Variants in DNAH8 observed in about 807,000 individuals in gnomAD.
DNAH8 encodes the protein dynein axonemal heavy chain 8, also known as axonemal beta dynein heavy chain 8.
In DNAH8, 382 loss-of-function variants were observed where a neutral mutation model predicts 562.1. The ratio of observed to expected loss-of-function variants is 0.68; its 90% CI spans 0.63 to 0.74. DNAH8 has a LOEUF of 0.74. Among genes scored for constraint, DNAH8 ranks in the 30% least tolerant of loss-of-function variants. The probability of loss-of-function intolerance (pLI) is 0.00; values close to 1 mark genes in which losing one functional copy is unlikely to be tolerated. For synonymous variants in DNAH8, 1,881 were observed against 1,919.4 expected, an observed-to-expected ratio of 0.98 and a Z score of 0.52; for missense variants, 5,203 against 5,620.4, an observed-to-expected ratio of 0.93 and a Z score of 2.37.
Position 39,012,365 on chromosome 6 carries a change from G to C in DNAH8, c.13522G>C (p.Glu4508Gln). ...LAIEGTIIMS[E>Q]NLRDALDNMY... is the part of the protein sequence containing the mutation. ...CATTGAAGGAACAATCATTATGAGT[G>C]AGGTGAGCTGTTATTACATCAGTAG... is the stretch of plus-strand genomic sequence containing the variant. The change falls in exon 90 of 93, where the codon GAG (glutamate) becomes CAG (glutamine). Residue 4508 changes from glutamate to glutamine, a missense_variant and splice_region_variant. Physicochemically the swap from Glu to Gln is conservative, Grantham distance 29. Coordinates refer to ENST00000327475, the MANE Select transcript of DNAH8 (RefSeq NM_001206927.2). The C allele has an allele frequency of 6.2e-7, 1 of 1,611,200 alleles. No homozygotes were observed. The highest frequency in any genetic ancestry group is 8.5e-7 in the Non-Finnish European group (1 of 1,177,742).
At position 38,756,724 on chromosome 6, in the gene DNAH8, T is replaced by C. The variant is rs1162523007; in HGVS notation, c.1515+645T>C. 2.1e-5 allele frequency among the ~76,000 whole-genome samples: 3 copies of C among 144,610 alleles called. 1 individual carries two copies. Among genetic ancestry groups the C allele is most frequent in the Non-Finnish European group, 4.6e-5 (3 of 65,862 alleles). 94.9% of individuals were successfully genotyped at this position (144,610 alleles called of 152,430 possible). On this transcript the variant is annotated intron_variant, in intron 10 of 92. Coordinates refer to ENST00000327475, the MANE Select transcript of DNAH8 (RefSeq NM_001206927.2). Reference sequence around the variant, plus strand: ...TGTGATGTTCCCCTTCCTGTGTCCGTGTGTTCTCATTGTTCAATTCCCACC... The same window carrying C: ...TGTGATGTTCCCCTTCCTGTGTCCGCGTGTTCTCATTGTTCAATTCCCACC...
At position 38,822,748 on chromosome 6, in the gene DNAH8, C is replaced by T. The variant is rs113376775; in HGVS notation, c.3524-90C>T. 5.5e-5 allele frequency: 55 copies of T among 1,001,462 alleles called. 1 individual carries two copies. The highest frequency in any genetic ancestry group is 6.8e-5 in the Non-Finnish European group (49 of 725,318). The allele number at this position is 1,001,462 out of a possible 1,614,324, so 62.0% of individuals were successfully genotyped here. A position where few individuals can be genotyped will look rare whatever the true frequency, so the allele number is the denominator to read the frequency against. ...TGGAGGGAGAATCTTTAAGAAAATA[C>T]AGTTTGAAAAAGAATCACAAATATT... On this transcript the variant is annotated intron_variant, in intron 26 of 92. Coordinates refer to ENST00000327475, the MANE Select transcript of DNAH8 (RefSeq NM_001206927.2).
chr6:38,903,822 G>A (rs1430902244), intron 62 of DNAH8, among the ~76,000 whole-genome samples: 1 of 151,762 alleles, frequency 6.6e-6, no homozygotes, highest in Non-Finnish European at 1.5e-5. Context: ...ATGCTGGCCA[G>A]GCTGGTCTTG....
chr6:38,920,629 G>A (rs1781630309), intron 70 of DNAH8, among the ~76,000 whole-genome samples: 1 of 152,002 alleles, frequency 6.6e-6, no homozygotes, highest in African/African-American at 2.4e-5. Context: ...ACTAAAAATG[G>A]GTGGGTGGAC....
intron 48 of DNAH8, among the ~76,000 whole-genome samples, chr6:38,869,960 A>G (rs746287502): frequency 1.3e-5 from 2 of 152,192 alleles, no homozygotes; most frequent in Non-Finnish European, 2.9e-5. Flanking sequence ...TGATGAACTC[A>G]CAGTTCCACA....
Position 38,870,423 on chromosome 6 carries a change from T to G in DNAH8, c.6851T>G (p.Phe2284Cys). Residue 2284 changes from phenylalanine to cysteine, a missense_variant, in exon 49 of 93, where the codon TTC becomes TGC. Physicochemically the swap from Phe to Cys is radical, Grantham distance 205. This residue lies in a region of DNAH8 where 2,176 missense variants were observed against 2,365.1 expected (regional missense o/e 0.92). Transcript: ENST00000327475. The part of the protein sequence containing the change: ...SKLVDEDEPL[F>C]LSLINDLFPG... Reference sequence around the variant, plus strand: ...TAGGTTGATGAAGATGAACCCCTGTTCCTCAGCTTAATCAATGACCTGTTC... The same window carrying G: ...TAGGTTGATGAAGATGAACCCCTGTGCCTCAGCTTAATCAATGACCTGTTC... The G allele has an allele frequency of 6.2e-7, 1 of 1,613,816 alleles. No homozygotes were observed. Among genetic ancestry groups the G allele is most frequent in the South Asian group, 1.1e-5 (1 of 91,016 alleles).
rs74907592 is a variant in DNAH8, at chr6:39,021,535, G to A, written c.13715-5011G>A. Among the ~76,000 whole-genome samples, 36 of 152,338 alleles carry A rather than the reference G, an allele frequency of 2.4e-4. No homozygotes were observed. The East Asian group carries it at 5.0e-3, about 21-fold the overall frequency. ...TGTCCCTGCCTTACAGCAAAGAACC[G>A]GGGAAGGTGCTTGGTGCATTTTTAT... On this transcript the variant is annotated intron_variant, in intron 91 of 92. Coordinates refer to ENST00000327475, the MANE Select transcript of DNAH8 (RefSeq NM_001206927.2).
At position 38,853,961 on chromosome 6, in the gene DNAH8, G is replaced by A. The variant is rs145032224; in HGVS notation, c.5733+614G>A. Among the ~76,000 whole-genome samples the A allele has an allele frequency of 1.6e-3, 237 of 151,586 alleles. No homozygotes were observed. In the Middle Eastern group the frequency reaches 0.024, roughly 15 times the overall value. Reference sequence around the variant, plus strand: ...AAATGCATATTGCTTTTGCACTGTCGTAAAGTAAAAAAAATTTTTAAGTTG... The same window carrying A: ...AAATGCATATTGCTTTTGCACTGTCATAAAGTAAAAAAAATTTTTAAGTTG... On this transcript the variant is annotated intron_variant, in intron 41 of 92. Transcript: ENST00000327475.
intron 88 of DNAH8, among the ~76,000 whole-genome samples, chr6:39,007,947 C>CCCCA (rs1554162270): frequency 8.3e-5 from 10 of 120,102 alleles, no homozygotes; most frequent in Admixed American, 2.7e-4. Flanking sequence ...CCCCACCCAC[C>CCCCA]CACACACACA....
At chr6:38,950,189 CGT>C (rs10546857) in intron 81 of DNAH8, among the ~76,000 whole-genome samples, 21,331 of 143,984 alleles carry the variant, frequency 0.15, 1,595 homozygotes, top group East Asian at 0.31. Flanking sequence ...TGTGTGTCTG[CGT>C]GTGTGTGTGT....
chr6:38,979,046 C>T (rs559409753), intron 85 of DNAH8, among the ~76,000 whole-genome samples: 10 of 152,202 alleles, frequency 6.6e-5, no homozygotes, highest in Non-Finnish European at 1.3e-4. Flanking sequence ...AGAACTAGCC[C>T]GCTACTGCAG....
At chr6:39,014,344 T>A (rs1766426976) in intron 91 of DNAH8, among the ~76,000 whole-genome samples, 1 of 152,204 alleles carries the variant, frequency 6.6e-6, no homozygotes, top group Non-Finnish European at 1.5e-5. Context: ...TTCCTCCGTA[T>A]GAGCCTCAAT....
chr6:38,798,480 C>G (rs550897729), intron 21 of DNAH8, among the ~76,000 whole-genome samples: 92 of 152,258 alleles, frequency 6.0e-4, no homozygotes, highest in African/African-American at 2.0e-3. Flanking sequence ...GGACAGGATG[C>G]TTTACTTTGT....
intron 19 of DNAH8, 133 bp downstream of exon 19, chr6:38,790,016 T>C (rs936472522): frequency 1.4e-5 from 3 of 209,928 alleles, no homozygotes; most frequent in Non-Finnish European, 2.4e-5. Flanking sequence ...TATAGCTCTG[T>C]TTTTTTTTTT....
Position 38,851,557 on chromosome 6 carries a change from C to T in DNAH8, c.5364-15C>T, listed in dbSNP as rs939208450. On this transcript the variant is annotated splice_polypyrimidine_tract_variant and intron_variant, in intron 38 of 92. Coordinates refer to ENST00000327475, the MANE Select transcript of DNAH8 (RefSeq NM_001206927.2). ...AAAAAACCACTTGGTAACATACTGT[C>T]GACTTTATTTGAAGGTATTTGGAGA... 5.2e-6 allele frequency: 8 copies of T among 1,539,120 alleles called. No homozygotes were observed. The Admixed American group carries it at 1.1e-4, about 22-fold the overall frequency.
chr6:38,853,488 C>A, intron 41 of DNAH8, 141 bp downstream of exon 41: 1 of 883,852 alleles, frequency 1.1e-6, no homozygotes, highest in South Asian at 1.7e-5. Flanking sequence ...CTCATTTTAG[C>A]CTCAGCTCCC....
intron 82 of DNAH8, among the ~76,000 whole-genome samples, chr6:38,966,830 G>C (rs1368434085): frequency 6.6e-6 from 1 of 152,160 alleles, no homozygotes; most frequent in Admixed American, 6.5e-5. Flanking sequence ...ATTTCTGATA[G>C]TTCTGGAGGC....
In DNAH8 at chr6:38,734,587, C is replaced by T. The variant is rs79455046; in HGVS notation, c.724C>T (p.Arg242Cys). The change falls in exon 5 of 93, where the codon CGT becomes TGT. Residue 242 changes from arginine (R) to cysteine (C), a missense_variant. By Grantham distance (180) the Arg-to-Cys change is radical (BLOSUM62 -3). This residue lies in a region of DNAH8 where 556 missense variants were observed against 496.9 expected (regional missense o/e 1.12). Transcript: ENST00000327475. ...KGLCIFFVRC[R>C]NDVAINVKTI... Reference sequence around the variant, plus strand: ...ACTGTGCATATTTTTTGTTCGTTGCCGTAATGATGTTGCTATAAATGTTAA... The same window carrying T: ...ACTGTGCATATTTTTTGTTCGTTGCTGTAATGATGTTGCTATAAATGTTAA... The T allele has an allele frequency of 6.9e-4, 1,115 of 1,613,168 alleles. 13 individuals carry two copies. The African/African-American group carries it at 0.012, about 18-fold the overall frequency.
rs1290245613 is a variant in DNAH8, at chr6:38,734,457, T to C, written c.611-17T>C. ...AGTTGTGTGATTATACGCTAAGTTC[T>C]TGACTTTTGTTTTCAGAATGTGGTC... On this transcript the variant is annotated splice_polypyrimidine_tract_variant and intron_variant, in intron 4 of 92. Transcript: ENST00000327475. 6.2e-7 allele frequency: 1 copy of C among 1,613,254 alleles called. No individual in the cohort carries two copies. Among genetic ancestry groups the C allele is most frequent in the South Asian group, 1.1e-5 (1 of 90,978 alleles).
Sources: allele counts gnomAD v4.1 joint callset (sites outside exome capture counted in the v4.1 genomes callset), GRCh38; gene constraint gnomAD v4.1.1; regional missense constraint gnomAD v4.1.1; transcripts MANE v1.5; gene names NCBI Gene and HGNC (gene_info 2026-07-23, HGNC 2026-07-21).